Variants in TEP1 observed in about 807,000 individuals in gnomAD.
The protein encoded by TEP1 is telomerase protein component 1.
A neutral mutation model predicts 306.3 loss-of-function variants in TEP1; 241 were observed. The ratio of observed to expected loss-of-function variants is 0.79; its 90% CI spans 0.71 to 0.88. The LOEUF is 0.88. TEP1 is among the 40% of genes least tolerant of loss of function. The pLI, the probability that TEP1 is intolerant of heterozygous loss-of-function variation, is 0.00. For synonymous variants in TEP1, 1,289 were observed against 1,305.5 expected (o/e 0.99, Z 0.27); for missense variants, 3,051 against 3,276.1 (o/e 0.93, Z 1.68).
intron 9 of TEP1, 139 bp downstream of exon 9, chr14:20,400,845 C>T: frequency 9.3e-7 from 1 of 1,074,682 alleles, no homozygotes; most frequent in Non-Finnish European, 1.3e-6. Context: ...TAGTCAATGG[C>T]AGACCTTATA....
rs372982338 is a variant in TEP1 at position 20,380,336 on chromosome 14, G to C, written c.4902C>G (p.Asp1634Glu). The C allele has an allele frequency of 3.1e-5, 50 of 1,614,210 alleles. No homozygotes were observed. In the African/African-American group the frequency reaches 6.1e-4, roughly 20 times the overall value. Residue 1634 changes from aspartate to glutamate, a missense_variant, in exon 34 of 55, where the codon GAC (aspartate) becomes GAG (glutamate). This residue lies in a region of TEP1 where 1,540 missense variants were observed against 1,705.9 expected (regional missense o/e 0.90). Coordinates refer to ENST00000262715, the MANE Select transcript of TEP1 (RefSeq NM_007110.5). ...GCGAGGCTTGGTGGCAAAGAGGTGA[G>C]TCCAGGGGCTGGTTGGCTGCCTGCT... ...LPQQAANQPL[D>E]SPLCHQASLL...
intron 2 of TEP1, among the ~76,000 whole-genome samples, chr14:20,407,216 G>A (rs1273681021): frequency 6.6e-6 from 1 of 152,252 alleles, no homozygotes. Flanking sequence ...TACAGGCCCT[G>A]ATAGGGCTGT....
Position 20,381,997 on chromosome 14 carries a change from C to G in TEP1, c.4340G>C (p.Ser1447Thr), listed in dbSNP as rs1713457. 0.041 allele frequency: 65,635 copies of G among 1,614,030 alleles called. 2,385 individuals are homozygous for G. Among genetic ancestry groups the G allele is most frequent in the African/African-American group, 0.19 (13,928 of 74,948 alleles). Residue 1447 changes from serine (S) to threonine (T), a missense_variant, in exon 30 of 55, where the codon AGC (serine) becomes ACC (threonine). Ser to Thr is a moderately conservative substitution (Grantham distance 58). Transcript: ENST00000262715. This position sits in a 1 kb window ranked among gnomAD's most constrained non-coding sequence, Gnocchi z 4.0. ...VWRTLPKGTK[S>T]WEEAVAAGNS... ...ACCAGCAGCCACTGCTTCTTCCCAG[C>G]TCTTAGTCCCCTTCGGTAGTGTCCG...
chr14:20,385,590 C>G (rs1298568629), intron 20 of TEP1, among the ~76,000 whole-genome samples: 1 of 152,204 alleles, frequency 6.6e-6, no homozygotes, highest in Non-Finnish European at 1.5e-5. Flanking sequence ...CCAGGCTGGT[C>G]TCAAACTCCT....
chr14:20,381,450 G>A lies in TEP1; in HGVS notation c.4559-49C>T. Reference sequence around the variant, plus strand: ...GGCTCAGCCCTGCATCATTCCCAAGGGCAGTAGGTGAGCTGGCCAGCAGAT... The same window carrying A: ...GGCTCAGCCCTGCATCATTCCCAAGAGCAGTAGGTGAGCTGGCCAGCAGAT... On this transcript the variant is annotated intron_variant, in intron 31 of 54. Transcript: ENST00000262715. This position sits in a 1 kb window ranked among gnomAD's most constrained non-coding sequence, Gnocchi z 4.0. 6.2e-7 allele frequency: 1 copy of A among 1,612,962 alleles called. No homozygotes were observed. Among genetic ancestry groups the A allele is most frequent in the Non-Finnish European group, 8.5e-7 (1 of 1,179,696 alleles).
chr14:20,374,422 T>G lies in TEP1; in HGVS notation c.6471+7A>C. 2 of 1,609,992 alleles carry G rather than the reference T, an allele frequency of 1.2e-6. No individual in the cohort carries two copies. The highest frequency in any genetic ancestry group is 1.7e-6 in the Non-Finnish European group (2 of 1,178,190). On this transcript the variant is annotated splice_region_variant and intron_variant, in intron 44 of 54. Coordinates refer to ENST00000262715, the MANE Select transcript of TEP1 (RefSeq NM_007110.5). The stretch of plus-strand genomic sequence containing the variant: ...ACCCCCCAGTGGGATCTCCATTGCT[T>G]TCTCACCACAGCTGCCACAGCGCTC...
At chr14:20,393,009 C>T (rs1268353631) in intron 12 of TEP1, among the ~76,000 whole-genome samples, 4 of 151,496 alleles carry the variant, frequency 2.6e-5, no homozygotes, top group East Asian at 1.9e-4. Flanking sequence ...ACAAGGAGAT[C>T]GAGACCATCC....
rs748098305 is a variant in TEP1 at position 20,383,610 on chromosome 14, G to C, written c.3745C>G (p.Pro1249Ala). The part of the protein sequence containing the change: ...LVWELQQRLL[P>A]KSAESLHPGQ... ...GGATGCAGGGACTCAGCAGACTTGG[G>C]CAGCAGCCTCTGCTGCAGCTCCCAC... The change falls in exon 26 of 55, where the codon CCC becomes GCC. Residue 1249 changes from proline (P) to alanine (A), a missense_variant. Physicochemically the swap from Pro to Ala is conservative, Grantham distance 27 (BLOSUM62 -1). This residue lies in a region of TEP1 where 4 missense variants were observed against 19.7 expected (regional missense o/e 0.20). Transcript: ENST00000262715. 6.2e-7 allele frequency: 1 copy of C among 1,613,512 alleles called. No individual in the cohort carries two copies. Among genetic ancestry groups the C allele is most frequent in the African/African-American group, 1.3e-5 (1 of 74,932 alleles).
In TEP1 at chr14:20,378,381, T is replaced by C; in HGVS notation, c.5507A>G (p.Lys1836Arg). ...AAGAGCAACACTGGACCTTCTTACC[T>C]TGGTGACTTTGAGCCCATCCACCTG... is the stretch of plus-strand genomic sequence containing the variant. ...FFQVDGLKVTKDLGAPGASIR... is the reference protein window; with the variant it reads ...FFQVDGLKVTRDLGAPGASIR... Residue 1836 changes from lysine (K) to arginine (R), a missense_variant and splice_region_variant, in exon 38 of 55, where the codon AAG (lysine) becomes AGG (arginine). By Grantham distance (26) the Lys-to-Arg change is conservative (BLOSUM62 2). This residue lies in a region of TEP1 where 1,540 missense variants were observed against 1,705.9 expected (regional missense o/e 0.90). Transcript: ENST00000262715. The C allele has an allele frequency of 1.2e-6, 2 of 1,614,198 alleles. No individual in the cohort carries two copies. Among genetic ancestry groups the C allele is most frequent in the Non-Finnish European group, 1.7e-6 (2 of 1,180,040 alleles).
At chr14:20,371,011 C>T (rs61367803) in intron 51 of TEP1, among the ~76,000 whole-genome samples, 1,858 of 152,278 alleles carry the variant, frequency 0.012, 47 homozygotes, top group African/African-American at 0.043. Context: ...CTTTCTAAAA[C>T]GGTAGAGTCC....
At position 20,380,859 on chromosome 14, in the gene TEP1, G is replaced by C. The variant is rs570676486; in HGVS notation, c.4762+72C>G. ...ACACCCACACCCCTGCCCCAACCCTGAGCAGGGCCCCCATAAGCACACCCA... is the reference window on the plus strand; with the variant it reads ...ACACCCACACCCCTGCCCCAACCCTCAGCAGGGCCCCCATAAGCACACCCA... On this transcript the variant is annotated intron_variant, in intron 33 of 54. Coordinates refer to ENST00000262715, the MANE Select transcript of TEP1 (RefSeq NM_007110.5). 387 of 1,327,810 alleles carry C rather than the reference G, an allele frequency of 2.9e-4. 2 individuals carry two copies. Among genetic ancestry groups the C allele is most frequent in the Admixed American group, 8.4e-4 (48 of 56,992 alleles). The allele number at this position is 1,327,810 out of a possible 1,614,324, so 82.3% of individuals were successfully genotyped here.
Position 20,373,799 on chromosome 14 carries a change from C to T in TEP1, c.6483G>A (p.Val2161=), listed in dbSNP as rs1481990224. The change falls in exon 45 of 55, where the codon GTG becomes GTA. Residue 2161 remains valine (V), a synonymous_variant. Transcript: ENST00000262715. ...AGGTCCCATCCCGGCTCACAGACAC[C>T]ACGTGCTCCTCCTGCCCACAGAGCA... ...VSAVAAVEEH[V]VSVSRDGTLK... 22 of 1,612,968 alleles carry T rather than the reference C, an allele frequency of 1.4e-5. No homozygotes were observed. The highest frequency in any genetic ancestry group is 1.8e-5 in the Non-Finnish European group (21 of 1,179,936).
intron 15 of TEP1, among the ~76,000 whole-genome samples, chr14:20,389,949 T>C (rs1002750969): frequency 6.6e-6 from 1 of 152,202 alleles, no homozygotes; most frequent in East Asian, 1.9e-4. Context: ...ATACTGCAGC[T>C]GGCTCATTCA....
Position 20,369,776 on chromosome 14 carries a change from G to A in TEP1, c.7321C>T (p.Gln2441Ter). Reference protein sequence around the residue: ...KDPGVLSFLRQKESGEFEERL... With the variant: ...KDPGVLSFLR ...TCTTCAAACTCTCCTGATTCCTTTT[G>A]CCTCTGTGAAAGAATAGGTAATTTT... Residue 2441 changes from glutamine to a stop codon, truncating the protein, a stop_gained, in exon 52 of 55, where the codon CAA becomes TAA. Transcript: ENST00000262715. LOFTEE classifies it high-confidence loss of function. The A allele has an allele frequency of 3.7e-6, 6 of 1,613,310 alleles. No homozygotes were observed. Among genetic ancestry groups the A allele is most frequent in the Non-Finnish European group, 4.2e-6 (5 of 1,179,526 alleles).
chr14:20,373,746 T>G lies in TEP1; in HGVS notation c.6536A>C (p.Glu2179Ala), dbSNP rs1163325171. 6.2e-7 allele frequency: 1 copy of G among 1,614,006 alleles called. No individual in the cohort carries two copies. The highest frequency in any genetic ancestry group is 8.5e-7 in the Non-Finnish European group (1 of 1,180,042). The change falls in exon 45 of 55, where the codon GAG (glutamate) becomes GCG (alanine). Residue 2179 changes from glutamate (E) to alanine (A), a missense_variant. This residue lies in a region of TEP1 where 1,540 missense variants were observed against 1,705.9 expected (regional missense o/e 0.90). Transcript: ENST00000262715. ...TGAGTGAGCAGGGATGCTGGTCAGC[T>G]CCACGCCTTGATGGTCCCACACTTT... ...TLKVWDHQGV[E>A]LTSIPAHSGP...
At position 20,389,730 on chromosome 14, in the gene TEP1, A is replaced by G; in HGVS notation, c.2345T>C (p.Val782Ala). Residue 782 changes from valine to alanine, a missense_variant, in exon 16 of 55, where the codon GTC becomes GCC. Physicochemically the swap from Val to Ala is moderately conservative, Grantham distance 64. This residue lies in a region of TEP1 where 1,507 missense variants were observed against 1,550.5 expected (regional missense o/e 0.97). Transcript: ENST00000262715. Reference sequence around the variant, plus strand: ...ATCCATGCTTTGGCCAAGGAGGATGACCCTGTCCACCTGTAAGATGAAAAG... The same window carrying G: ...ATCCATGCTTTGGCCAAGGAGGATGGCCCTGTCCACCTGTAAGATGAAAAG... ...LAGQRVPVDR[V>A]ILLGQSMDDG... 6.2e-7 allele frequency: 1 copy of G among 1,614,090 alleles called. No individual in the cohort carries two copies. Among genetic ancestry groups the G allele is most frequent in the South Asian group, 1.1e-5 (1 of 91,086 alleles).
At chr14:20,383,076 G>T in intron 27 of TEP1, 98 bp downstream of exon 27, 1 of 1,313,732 alleles carries the variant, frequency 7.6e-7, no homozygotes, top group Non-Finnish European at 1.0e-6. Flanking sequence ...AAACAAAGGA[G>T]CAGGTCTGTG....
Position 20,383,473 on chromosome 14 carries a change from CCTT to C in TEP1, c.3867+12_3867+14del. ...CCAGCCTGCCTCCCGACACCCACCT[CCTT>C]CTCACACTCACCCGGGGAAGCTTCT... On this transcript the variant is annotated intron_variant, in intron 26 of 54. Coordinates refer to ENST00000262715, the MANE Select transcript of TEP1 (RefSeq NM_007110.5). 6.2e-7 allele frequency: 1 copy of C among 1,614,100 alleles called. No homozygotes were observed. The highest frequency in any genetic ancestry group is 8.5e-7 in the Non-Finnish European group (1 of 1,179,950).
At position 20,382,794 on chromosome 14, in the gene TEP1, G is replaced by A. The variant is rs1001866326; in HGVS notation, c.4048-79C>T. ...CCTCTGCCCCAGCACCAGCCCCTCT[G>A]CCAGGCAGCTCCTCCTCTGAGAGTC... On this transcript the variant is annotated intron_variant, in intron 27 of 54. Coordinates refer to ENST00000262715, the MANE Select transcript of TEP1 (RefSeq NM_007110.5). 3.7e-6 allele frequency: 5 copies of A among 1,349,258 alleles called. No homozygotes were observed. The African/African-American group carries it at 7.2e-5, about 19-fold the overall frequency. The allele number at this position is 1,349,258 out of a possible 1,614,324, so 83.6% of individuals were successfully genotyped here.
Sources: allele counts gnomAD v4.1 joint callset (sites outside exome capture counted in the v4.1 genomes callset), GRCh38; gene constraint gnomAD v4.1.1; regional missense constraint gnomAD v4.1.1; non-coding constraint Gnocchi (gnomAD v3.1); transcripts MANE v1.5; gene names NCBI Gene and HGNC (gene_info 2026-07-23, HGNC 2026-07-21).